WASF1: variants seen among roughly 807,000 people sequenced by gnomAD.
WASF1 encodes the protein WASP family member 1, also known as actin-binding protein WASF1.
In WASF1, 7 loss-of-function variants were observed where a neutral mutation model predicts 50.5. The ratio of observed to expected loss-of-function variants is 0.14; its 90% CI spans 0.08 to 0.26. WASF1 has a LOEUF of 0.26. Among genes scored for constraint, WASF1 ranks in the 10% least tolerant of loss-of-function variants. The pLI, the probability that WASF1 is intolerant of heterozygous loss-of-function variation, is 1.00. For synonymous variants in WASF1, 205 were observed against 244.0 expected (o/e 0.84, Z 1.49); for missense variants, 470 against 694.7 (o/e 0.68, Z 3.64).
intron 3 of WASF1, among the ~76,000 whole-genome samples, chr6:110,159,758 C>A (rs1776185384): frequency 6.6e-6 from 1 of 151,786 alleles, no homozygotes; most frequent in Non-Finnish European, 1.5e-5. Flanking sequence ...TTCATATATA[C>A]CTTATACACA....
rs150620478 is a variant in WASF1 at position 110,175,126 on chromosome 6, C to T, written c.-127+3472G>A. On this transcript the variant is annotated intron_variant, in intron 2 of 10. Transcript: ENST00000392589. ...ACAAGATGCCCCGTATTTTATGGGG[C>T]AATAATCCATCTTTATATCTTCATA... Among the ~76,000 whole-genome samples the T allele has an allele frequency of 2.9e-3, 440 of 152,114 alleles. 2 individuals are homozygous for T. Among genetic ancestry groups the T allele is most frequent in the Admixed American group, 5.9e-3 (90 of 15,248 alleles).
Position 110,171,836 on chromosome 6 carries a change from G to A in WASF1, c.-127+6762C>T, listed in dbSNP as rs536660512. Among the ~76,000 whole-genome samples, 405 of 150,642 alleles carry A rather than the reference G, an allele frequency of 2.7e-3. 1 individual carries two copies. The highest frequency in any genetic ancestry group is 9.6e-3 in the African/African-American group (393 of 41,098). On this transcript the variant is annotated intron_variant, in intron 2 of 10. Transcript: ENST00000392589. ...ACAAAGAACTCAAACAAATTTACAA[G>A]AAAAAAACAAACAACTCCATCAAAA...
At chr6:110,121,103 A>T (rs1255913880) in intron 4 of WASF1, among the ~76,000 whole-genome samples, 17 of 152,344 alleles carry the variant, frequency 1.1e-4, no homozygotes, top group African/African-American at 3.8e-4. Flanking sequence ...AACCTAGGCA[A>T]TACCATTCAG....
intron 3 of WASF1, among the ~76,000 whole-genome samples, chr6:110,145,416 T>G (rs1775508177): frequency 6.6e-6 from 1 of 152,152 alleles, no homozygotes; most frequent in African/African-American, 2.4e-5. Context: ...CAGGGACAAT[T>G]TGACTTCCTC....
At chr6:110,117,743 A>G (rs775629380) in intron 4 of WASF1, among the ~76,000 whole-genome samples, 2 of 152,224 alleles carry the variant, frequency 1.3e-5, no homozygotes, top group East Asian at 3.8e-4. Context: ...GAAGGAAAAA[A>G]TGTTAAGGGC....
chr6:110,108,425 G>C, intron 6 of WASF1, 103 bp downstream of exon 6: 2 of 1,198,632 alleles, frequency 1.7e-6, no homozygotes, highest in Non-Finnish European at 2.3e-6. Flanking sequence ...AGGGCTCTCT[G>C]TGTTGGCTAG....
intron 3 of WASF1, among the ~76,000 whole-genome samples, chr6:110,151,236 T>TA (rs990175586): frequency 1.3e-5 from 2 of 152,198 alleles, no homozygotes; most frequent in African/African-American, 4.8e-5. Context: ...ATCAGCAACT[T>TA]ACGAGAGTTC....
Position 110,108,581 on chromosome 6 carries a change from C to A in WASF1, c.369G>T (p.Glu123Asp). Reference sequence around the variant, plus strand: ...GAGGCTGTTCACAAACATCGTACGTCTCCTGTAATGGAATAGGCAAAGTCT... The same window carrying A: ...GAGGCTGTTCACAAACATCGTACGTATCCTGTAATGGAATAGGCAAAGTCT... The part of the protein sequence containing the change: ...DRKTLPIPLQ[E>D]TYDVCEQPPP... Residue 123 changes from glutamate (E) to aspartate (D), a missense_variant, in exon 6 of 11, where the codon GAG becomes GAT. By Grantham distance (45) the Glu-to-Asp change is conservative. Coordinates refer to ENST00000392589, the MANE Select transcript of WASF1 (RefSeq NM_003931.3). 6.2e-7 allele frequency: 1 copy of A among 1,614,044 alleles called. No homozygotes were observed. Among genetic ancestry groups the A allele is most frequent in the Admixed American group, 1.7e-5 (1 of 60,022 alleles).
chr6:110,124,465 C>T (rs1774334037), intron 4 of WASF1, among the ~76,000 whole-genome samples: 1 of 150,578 alleles, frequency 6.6e-6, no homozygotes, highest in East Asian at 2.0e-4. Context: ...AGAACCTGGA[C>T]CTAGCTCAGC....
chr6:110,132,560 C>T (rs1313433034), intron 3 of WASF1, among the ~76,000 whole-genome samples: 1 of 151,564 alleles, frequency 6.6e-6, no homozygotes, highest in Admixed American at 6.6e-5. Context: ...TAATAAGTTT[C>T]TGGGGGAACA....
In WASF1 at chr6:110,162,083, G is replaced by T. The variant is rs185205284; in HGVS notation, c.-126-1351C>A. Reference sequence around the variant, plus strand: ...TCTGAAGTACAAACTGGGCACTTCAGTGAATATATTTTAAGAAAATACATT... The same window carrying T: ...TCTGAAGTACAAACTGGGCACTTCATTGAATATATTTTAAGAAAATACATT... On this transcript the variant is annotated intron_variant, in intron 2 of 10. Transcript: ENST00000392589. Among the ~76,000 whole-genome samples, 1,022 of 151,576 alleles carry T rather than the reference G, an allele frequency of 6.7e-3. 8 individuals are homozygous for T. Among genetic ancestry groups the T allele is most frequent in the Middle Eastern group, 0.027 (8 of 294 alleles).
At chr6:110,114,619 G>C (rs755917224) in intron 4 of WASF1, among the ~76,000 whole-genome samples, 2 of 152,040 alleles carry the variant, frequency 1.3e-5, no homozygotes, top group Non-Finnish European at 1.5e-5. Flanking sequence ...AAAGCAAAAG[G>C]AAGGCAAAGG....
At chr6:110,137,330 C>G (rs540208882) in intron 3 of WASF1, among the ~76,000 whole-genome samples, 1 of 152,272 alleles carries the variant, frequency 6.6e-6, no homozygotes, top group East Asian at 1.9e-4. Context: ...GAGGATCAAG[C>G]CTTATTAATT....
intron 2 of WASF1, among the ~76,000 whole-genome samples, chr6:110,171,472 G>A (rs897093521): frequency 6.6e-6 from 1 of 152,108 alleles, no homozygotes; most frequent in East Asian, 1.9e-4. Flanking sequence ...TATACAGACG[G>A]TCCGCAGTTT....
chr6:110,128,114 T>C (rs1370192484), intron 3 of WASF1, among the ~76,000 whole-genome samples: 26 of 152,152 alleles, frequency 1.7e-4, no homozygotes, highest in Non-Finnish European at 2.9e-5. Flanking sequence ...AATCTCTGGG[T>C]TGTTCAAGGG....
intron 3 of WASF1, among the ~76,000 whole-genome samples, chr6:110,153,744 G>C (rs946143997): frequency 1.3e-5 from 2 of 151,358 alleles, no homozygotes; most frequent in African/African-American, 4.9e-5. Context: ...TTTCTACAAT[G>C]TGCTGCTACA....
At chr6:110,115,219 A>G (rs1000570545) in intron 4 of WASF1, among the ~76,000 whole-genome samples, 5 of 152,108 alleles carry the variant, frequency 3.3e-5, no homozygotes, top group African/African-American at 1.2e-4. Context: ...GAAAAAAAAA[A>G]AACTGCTACA....
Position 110,100,625 on chromosome 6 carries a change from C to G in WASF1, c.1577G>C (p.Arg526Pro). The G allele has an allele frequency of 6.2e-7, 1 of 1,613,542 alleles. No individual in the cohort carries two copies. Among genetic ancestry groups the G allele is most frequent in the Non-Finnish European group, 8.5e-7 (1 of 1,179,800 alleles). Residue 526 changes from arginine to proline, a missense_variant, in exon 11 of 11, where the codon CGC (arginine) becomes CCC (proline). Physicochemically the swap from Arg to Pro is moderately radical, Grantham distance 103. Transcript: ENST00000392589. ...GATGGTGGCAACATCGTTTTCAATG[C>G]GTTCATGCTTAGCTTCCTGTTCACG... is the stretch of plus-strand genomic sequence containing the variant. ...EQREQEAKHERIENDVATILS... is the reference protein window; with the variant it reads ...EQREQEAKHEPIENDVATILS...
Position 110,103,537 on chromosome 6 carries a change from T to A in WASF1, c.734A>T (p.His245Leu). 6.2e-7 allele frequency: 1 copy of A among 1,613,534 alleles called. No homozygotes were observed. Among genetic ancestry groups the A allele is most frequent in the Non-Finnish European group, 8.5e-7 (1 of 1,179,638 alleles). ...AGAAAGTGAGTAAGATCCATCCATA[T>A]GATCCACGTATGTCTGAGGTCTAAA... ...FETRPQTYVDHMDGSYSLSAL... is the reference protein window; with the variant it reads ...FETRPQTYVDLMDGSYSLSAL... The change falls in exon 9 of 11, where the codon CAT becomes CTT. Residue 245 changes from histidine (H) to leucine (L), a missense_variant. Around this residue, in one of 3 missense-constraint regions of WASF1, gnomAD observed 294 missense variants for 343.5 expected, o/e 0.86. Coordinates refer to ENST00000392589, the MANE Select transcript of WASF1 (RefSeq NM_003931.3).
Sources: gnomAD v4.1 joint callset for allele counts (sites outside exome capture counted in the v4.1 genomes callset) on GRCh38, gnomAD v4.1.1 for gene constraint, gnomAD v4.1.1 regional missense constraint, MANE v1.5 for transcripts, NCBI Gene and HGNC (gene_info 2026-07-23, HGNC 2026-07-21) for gene names.